The following WDPCP variants were observed in gnomAD, a reference collection of about 807,000 sequenced individuals.
WDPCP encodes WD repeat-containing and planar cell polarity effector protein fritz homolog.
WDPCP carries 71 observed loss-of-function variants against 93.1 expected under a neutral mutation model. The observed-to-expected ratio is 0.76, with a 90% CI of 0.63 to 0.93. The LOEUF is 0.93. Ranked by LOEUF, WDPCP falls within the 40% of genes least tolerant of loss-of-function variation. The pLI is 0.00. For synonymous variants in WDPCP, 315 were observed against 315.0 expected (o/e 1.00, Z 0.00); for missense variants, 844 against 887.4 (o/e 0.95, Z 0.62).
intron 14 of WDPCP, among the ~76,000 whole-genome samples, chr2:63,210,977 C>T (rs1435410286): frequency 6.6e-6 from 1 of 152,336 alleles, no homozygotes; most frequent in East Asian, 1.9e-4. Flanking sequence ...ATGGGTGGAG[C>T]CCACTGCAGC....
chr2:63,684,287 C>T, intron 2 of WDPCP: 1 of 577,090 alleles, frequency 1.7e-6, no homozygotes, highest in Non-Finnish European at 3.2e-6. Context: ...TGCTGTAGGC[C>T]CAAGTGGTTG....
In WDPCP at chr2:63,404,665, G is replaced by A. The variant is rs201860952; in HGVS notation, c.826-8C>T. On this transcript the variant is annotated splice_polypyrimidine_tract_variant and splice_region_variant and intron_variant, in intron 9 of 17. Transcript: ENST00000272321. The stretch of plus-strand genomic sequence containing the variant: ...GCGGACAGAACTCAGAACCTGTTAA[G>A]AAATATATCAAGTACATTCAGATAA... 1 of 1,613,796 alleles carries A rather than the reference G, an allele frequency of 6.2e-7. No homozygotes were observed. Among genetic ancestry groups the A allele is most frequent in the African/African-American group, 1.3e-5 (1 of 75,038 alleles).
rs1575378009 is a variant in WDPCP at position 63,417,452 on chromosome 2, C to T, written c.826-12795G>A. 2.0e-5 allele frequency among the ~76,000 whole-genome samples: 3 copies of T among 151,730 alleles called. 1 individual carries two copies. Among genetic ancestry groups the T allele is most frequent in the African/African-American group, 7.2e-5 (3 of 41,434 alleles). ...AATTTTAAATTTATTTTTATTCATACTTAACAATGTGATTTTTAAAGATAA... is the reference window on the plus strand; with the variant it reads ...AATTTTAAATTTATTTTTATTCATATTTAACAATGTGATTTTTAAAGATAA... On this transcript the variant is annotated intron_variant, in intron 9 of 17. Transcript: ENST00000272321.
At chr2:63,647,695 A>C (rs1263564469) in intron 3 of WDPCP, among the ~76,000 whole-genome samples, 2 of 152,210 alleles carry the variant, frequency 1.3e-5, no homozygotes, top group African/African-American at 4.8e-5. Flanking sequence ...GTCTGTATAA[A>C]TGTCAATATC....
chr2:63,347,727 A>C, intron 12 of WDPCP, among the ~76,000 whole-genome samples: 2 of 83,736 alleles, frequency 2.4e-5, no homozygotes, highest in South Asian at 1.0e-3. Context: ...AGAGGGGGAA[A>C]TTGCCCCCCC....
At chr2:63,294,038 A>G (rs1277220926) in intron 13 of WDPCP, among the ~76,000 whole-genome samples, 1 of 151,648 alleles carries the variant, frequency 6.6e-6, no homozygotes, top group African/African-American at 2.4e-5. Flanking sequence ...GATGAACTCA[A>G]ATAAACCCAC....
At chr2:63,238,556 G>A (rs958151052) in intron 14 of WDPCP, among the ~76,000 whole-genome samples, 1 of 152,030 alleles carries the variant, frequency 6.6e-6, no homozygotes, top group Non-Finnish European at 1.5e-5. Context: ...TCTGATTTGA[G>A]ATGTACCCTA....
At chr2:63,431,285 G>A (rs114149429) in intron 9 of WDPCP, among the ~76,000 whole-genome samples, 2,455 of 152,136 alleles carry the variant, frequency 0.016, 77 homozygotes, top group African/African-American at 0.056. Flanking sequence ...TGGTCTGGGT[G>A]GGCCTCTTTT....
chr2:63,655,399 T>A (rs891990231), intron 2 of WDPCP, among the ~76,000 whole-genome samples: 7 of 151,414 alleles, frequency 4.6e-5, no homozygotes, highest in African/African-American at 1.5e-4. Flanking sequence ...ACATGCTACA[T>A]ATGTGTATAT....
intron 1 of WDPCP, among the ~76,000 whole-genome samples, chr2:63,557,785 A>G (rs1015274200): frequency 6.6e-6 from 1 of 152,230 alleles, no homozygotes; most frequent in Non-Finnish European, 1.5e-5. Flanking sequence ...AAGTGAAATT[A>G]TAAAAACAGT....
Position 63,148,176 on chromosome 2 carries a change from C to T in WDPCP, c.2190+4738G>A, listed in dbSNP as rs77976575. On this transcript the variant is annotated intron_variant, in intron 17 of 17. Transcript: ENST00000272321. ...ACTGGAGATACCAATTAATGTCTTT[C>T]TGTTGCTGATTCCTGAGAGTTGATA... Among the ~76,000 whole-genome samples the T allele has an allele frequency of 5.1e-3, 779 of 152,112 alleles. 5 individuals are homozygous for T. The highest frequency in any genetic ancestry group is 9.3e-3 in the Non-Finnish European group (634 of 67,992).
At chr2:63,295,671 A>C (rs1268997122) in intron 13 of WDPCP, among the ~76,000 whole-genome samples, 2 of 152,030 alleles carry the variant, frequency 1.3e-5, no homozygotes, top group Non-Finnish European at 2.9e-5. Flanking sequence ...CCTTGAGGAA[A>C]TATATTAATT....
At chr2:63,352,061 A>ATGTC (rs1689670296) in intron 12 of WDPCP, among the ~76,000 whole-genome samples, 2 of 152,064 alleles carry the variant, frequency 1.3e-5, no homozygotes, top group Non-Finnish European at 2.9e-5. Context: ...GGCTGCTTGT[A>ATGTC]TGTCTTCCTT....
At chr2:63,149,420 T>C (rs1445245825) in intron 17 of WDPCP, among the ~76,000 whole-genome samples, 1 of 152,206 alleles carries the variant, frequency 6.6e-6, no homozygotes, top group Non-Finnish European at 1.5e-5. Flanking sequence ...TTAGTGGAAA[T>C]ATAAATTGGC....
chr2:63,140,869 G>A (rs1671011310), intron 17 of WDPCP, among the ~76,000 whole-genome samples: 1 of 152,142 alleles, frequency 6.6e-6, no homozygotes, highest in African/African-American at 2.4e-5. Context: ...AGTGGTGACA[G>A]CGGGCATTCT....
chr2:63,559,848 A>C (rs1384957342), intron 1 of WDPCP, among the ~76,000 whole-genome samples: 1 of 152,212 alleles, frequency 6.6e-6, no homozygotes, highest in Non-Finnish European at 1.5e-5. Flanking sequence ...CATGAAAATG[A>C]TCATACTGCC....
chr2:63,509,449 T>G (rs1702083268), intron 1 of WDPCP, among the ~76,000 whole-genome samples: 1 of 152,060 alleles, frequency 6.6e-6, no homozygotes, highest in African/African-American at 2.4e-5. Flanking sequence ...TAGAGGAAAA[T>G]TTATAGCACT....
intron 10 of WDPCP, among the ~76,000 whole-genome samples, chr2:63,388,326 AAACT>A (rs758982312): frequency 3.9e-5 from 6 of 152,142 alleles, no homozygotes; most frequent in Admixed American, 1.3e-4. Flanking sequence ...GTTAGAAGGA[AAACT>A]AACTAACAGA....
At chr2:63,449,149 A>G (rs1044494530) in intron 6 of WDPCP, among the ~76,000 whole-genome samples, 3 of 152,144 alleles carry the variant, frequency 2.0e-5, no homozygotes, top group African/African-American at 7.2e-5. Flanking sequence ...TCAATTAACA[A>G]CTTGAATAAA....
Sources: allele counts gnomAD v4.1 joint callset (sites outside exome capture counted in the v4.1 genomes callset), GRCh38; gene constraint gnomAD v4.1.1; transcripts MANE v1.5; gene names NCBI Gene and HGNC (gene_info 2026-07-23, HGNC 2026-07-21).